TENM4: variants seen among roughly 807,000 people sequenced by gnomAD.
The protein encoded by TENM4 is teneurin-4.
In TENM4, 82 loss-of-function variants were observed where a neutral mutation model predicts 243.3. That is an observed-to-expected ratio of 0.34 (90% CI 0.28 to 0.40). The LOEUF (loss-of-function observed/expected upper bound fraction) is 0.40. Among genes scored for constraint, TENM4 ranks in the 10% least tolerant of loss-of-function variants. The pLI, the probability that TENM4 is intolerant of heterozygous loss-of-function variation, is 1.00. For missense variants in TENM4, 3,138 were observed against 3,673.3 expected, an observed-to-expected ratio of 0.85 and a Z score of 3.77; for synonymous variants, 1,412 against 1,456.3, an observed-to-expected ratio of 0.97 and a Z score of 0.69.
chr11:79,032,277 C>T (rs1474666331), intron 6 of TENM4, among the ~76,000 whole-genome samples: 1 of 152,132 alleles, frequency 6.6e-6, no homozygotes, highest in African/African-American at 2.4e-5. Context: ...GCGGGGGGCA[C>T]CAGGCCGGGG....
At chr11:78,800,735 G>C (rs1283212368) in intron 15 of TENM4, among the ~76,000 whole-genome samples, 2 of 92,702 alleles carry the variant, frequency 2.2e-5, no homozygotes, top group African/African-American at 8.6e-5. Context: ...GAGTTCACAG[G>C]GGAGAGAGAG....
At chr11:78,761,052 T>C (rs949923043) in intron 18 of TENM4, among the ~76,000 whole-genome samples, 1 of 152,196 alleles carries the variant, frequency 6.6e-6, no homozygotes, top group Non-Finnish European at 1.5e-5. Flanking sequence ...GTGTATTCAT[T>C]TTATAGCCTT....
At chr11:79,367,611 T>C (rs925371032) in intron 1 of TENM4, among the ~76,000 whole-genome samples, 5 of 152,226 alleles carry the variant, frequency 3.3e-5, no homozygotes, top group African/African-American at 9.6e-5. Flanking sequence ...TACTTGCTTA[T>C]AGTTGTCTTG....
At chr11:79,374,900 T>C (rs1282771373) in intron 1 of TENM4, among the ~76,000 whole-genome samples, 1 of 152,042 alleles carries the variant, frequency 6.6e-6, no homozygotes, top group Non-Finnish European at 1.5e-5. Context: ...TTCATGGGAG[T>C]TCTGCTTTGG....
Position 78,658,123 on chromosome 11 carries a change from G to T in TENM4, c.8245C>A (p.Pro2749Thr), listed in dbSNP as rs1383683856. The T allele has an allele frequency of 1.1e-5, 18 of 1,613,904 alleles. No individual in the cohort carries two copies. Among genetic ancestry groups the T allele is most frequent in the Non-Finnish European group, 1.5e-5 (18 of 1,179,894 alleles). Residue 2749 changes from proline (P) to threonine (T), a missense_variant, in exon 34 of 34, where the codon CCA (proline) becomes ACA (threonine). By Grantham distance (38) the Pro-to-Thr change is conservative. This residue lies in a region of TENM4 where 2,467 missense variants were observed against 3,059.1 expected (regional missense o/e 0.81). Transcript: ENST00000278550. ...TTGTTGGCGCTGTCTGACAGTTCTG[G>T]GTACTGCTCGACAGAGATCACGAAA... is the stretch of plus-strand genomic sequence containing the variant. ...GFFVISVEQY[P>T]ELSDSANNIH...
intron 6 of TENM4, among the ~76,000 whole-genome samples, chr11:78,963,305 G>A (rs948975960): frequency 2.0e-5 from 3 of 152,188 alleles, no homozygotes; most frequent in African/African-American, 7.2e-5. Flanking sequence ...AGAAGGAGGA[G>A]GCGATGGCTT....
At chr11:78,918,680 A>G (rs1046899854) in intron 6 of TENM4, among the ~76,000 whole-genome samples, 5 of 72,016 alleles carry the variant, frequency 6.9e-5, no homozygotes, top group African/African-American at 2.8e-4. Context: ...GTAGATCTCC[A>G]GGCCTGGCAT....
chr11:79,146,352 A>G (rs1406379281), intron 4 of TENM4, among the ~76,000 whole-genome samples: 1 of 152,130 alleles, frequency 6.6e-6, no homozygotes, highest in Non-Finnish European at 1.5e-5. Flanking sequence ...TCCAAATTTA[A>G]AGAAAATACT....
intron 1 of TENM4, among the ~76,000 whole-genome samples, chr11:79,336,438 A>G (rs1322950711): frequency 6.6e-6 from 1 of 152,188 alleles, no homozygotes; most frequent in Non-Finnish European, 1.5e-5. Flanking sequence ...ATGAGAGAGG[A>G]AAAAGGGTCT....
At chr11:79,327,221 T>C (rs928990647) in intron 1 of TENM4, among the ~76,000 whole-genome samples, 2 of 152,214 alleles carry the variant, frequency 1.3e-5, no homozygotes, top group African/African-American at 4.8e-5. Flanking sequence ...ATAATTTTAA[T>C]GGATACAGTA....
At chr11:79,056,591 A>G (rs1487189408) in intron 6 of TENM4, among the ~76,000 whole-genome samples, 1 of 152,022 alleles carries the variant, frequency 6.6e-6, no homozygotes, top group African/African-American at 2.4e-5. Context: ...ACCAAGCAGA[A>G]GGAAAGGCTA....
intron 6 of TENM4, among the ~76,000 whole-genome samples, chr11:78,941,141 C>T (rs989846244): frequency 6.6e-6 from 1 of 152,182 alleles, no homozygotes; most frequent in African/African-American, 2.4e-5. Flanking sequence ...GCTCTAGCAC[C>T]GGATCCCCGT....
intron 1 of TENM4, among the ~76,000 whole-genome samples, chr11:79,433,894 C>G (rs931587472): frequency 1.2e-4 from 18 of 152,188 alleles, no homozygotes; most frequent in Non-Finnish European, 4.4e-5. Context: ...AGTCAGCAAC[C>G]AACAGAGCGG....
chr11:79,260,525 C>A (rs190330474), intron 2 of TENM4, among the ~76,000 whole-genome samples: 1 of 152,300 alleles, frequency 6.6e-6, no homozygotes. Flanking sequence ...ATATGATTTA[C>A]TTCAGGTAAT....
intron 6 of TENM4, among the ~76,000 whole-genome samples, chr11:79,042,051 G>A (rs973625628): frequency 6.6e-6 from 1 of 152,078 alleles, no homozygotes; most frequent in Non-Finnish European, 1.5e-5. Flanking sequence ...AATAGACCTG[G>A]TACCAATAGA....
At chr11:78,675,784 G>C (rs192832000) in intron 30 of TENM4, among the ~76,000 whole-genome samples, 231 of 152,294 alleles carry the variant, frequency 1.5e-3, no homozygotes, top group African/African-American at 4.4e-3. Flanking sequence ...CTATGAGCCA[G>C]ACTCTAAGAT....
At chr11:79,360,165 T>A (rs1291707238) in intron 1 of TENM4, among the ~76,000 whole-genome samples, 2 of 152,218 alleles carry the variant, frequency 1.3e-5, no homozygotes, top group Non-Finnish European at 2.9e-5. Flanking sequence ...CATTTATGTG[T>A]CTGACTTCTC....
Position 79,423,201 on chromosome 11 carries a change from C to A in TENM4, c.-321+17308G>T, listed in dbSNP as rs565091390. 1.1e-4 allele frequency among the ~76,000 whole-genome samples: 16 copies of A among 152,286 alleles called. No individual in the cohort carries two copies. In the South Asian group the frequency reaches 3.3e-3, roughly 32 times the overall value. On this transcript the variant is annotated intron_variant, in intron 1 of 33. Transcript: ENST00000278550. Reference sequence around the variant, plus strand: ...ATTCCAACTGGAGAGGTAACATTGACTAAGCACCTACCATGTGCCAGGCAC... The same window carrying A: ...ATTCCAACTGGAGAGGTAACATTGAATAAGCACCTACCATGTGCCAGGCAC...
chr11:78,801,782 T>G (rs1857286946), intron 15 of TENM4, among the ~76,000 whole-genome samples: 1 of 152,190 alleles, frequency 6.6e-6, no homozygotes, highest in Non-Finnish European at 1.5e-5. Flanking sequence ...ACTTGGGATT[T>G]GTCCTTTGGC....
Sources: allele counts gnomAD v4.1 joint callset (sites outside exome capture counted in the v4.1 genomes callset), GRCh38; gene constraint gnomAD v4.1.1; regional missense constraint gnomAD v4.1.1; transcripts MANE v1.5; gene names NCBI Gene and HGNC (gene_info 2026-07-23, HGNC 2026-07-21).